Variants in ARHGAP35 observed in about 807,000 individuals in gnomAD.
The protein encoded by ARHGAP35 is rho GTPase-activating protein 35.
A neutral mutation model predicts 111.1 loss-of-function variants in ARHGAP35; 15 were observed. The ratio of observed to expected loss-of-function variants is 0.13; its 90% CI spans 0.09 to 0.21. The LOEUF (loss-of-function observed/expected upper bound fraction) is 0.21, where lower values mean the gene tolerates loss of function less well. Among genes scored for constraint, ARHGAP35 ranks in the 10% least tolerant of loss-of-function variants. The pLI is 1.00. For synonymous variants in ARHGAP35, 643 were observed against 710.3 expected, an observed-to-expected ratio of 0.91 and a Z score of 1.51; for missense variants, 1,262 against 1,873.0, an observed-to-expected ratio of 0.67 and a Z score of 6.02.
intron 5 of ARHGAP35, among the ~76,000 whole-genome samples, chr19:46,996,058 G>T (rs931101064): frequency 5.3e-4 from 81 of 152,308 alleles, no homozygotes; most frequent in African/African-American, 1.9e-3. Context: ...TTCGGCTGAG[G>T]TGCATATGCA....
intron 1 of ARHGAP35, among the ~76,000 whole-genome samples, chr19:46,898,293 A>G (rs1228013213): frequency 6.6e-6 from 1 of 152,124 alleles, no homozygotes; most frequent in Admixed American, 6.5e-5. Context: ...GTTCTGAGGA[A>G]ACATAAAGGA....
chr19:46,903,790 C>T (rs1302687967), intron 1 of ARHGAP35, among the ~76,000 whole-genome samples: 1 of 152,186 alleles, frequency 6.6e-6, no homozygotes, highest in Non-Finnish European at 1.5e-5. Flanking sequence ...AATCATGAAG[C>T]TAGCACTTTA....
rs753147667 is a variant in ARHGAP35, at chr19:47,000,031, C to T, written c.4143-300C>T. 6.6e-6 allele frequency among the ~76,000 whole-genome samples: 1 copy of T among 152,200 alleles called. No homozygotes were observed. The highest frequency in any genetic ancestry group is 2.4e-5 in the African/African-American group (1 of 41,454). On this transcript the variant is annotated intron_variant, in intron 6 of 6. Transcript: ENST00000672722. This position sits in a 1 kb window ranked among gnomAD's most constrained non-coding sequence, Gnocchi z 6.9. ...CCCTCCCTCGTCACAGCCGGAGCAC[C>T]GCCACTGCTTTGGCTGGCTGCAGAG...
At chr19:46,936,457 G>C (rs138072224) in intron 2 of ARHGAP35, among the ~76,000 whole-genome samples, 1 of 152,272 alleles carries the variant, frequency 6.6e-6, no homozygotes, top group East Asian at 1.9e-4. Context: ...CCAAGCTAAT[G>C]TATCAAAGGA....
rs117649098 is a variant in ARHGAP35 at position 46,918,643 on chromosome 19, A to G, written c.-33A>G. 8.2e-3 allele frequency: 13,015 copies of G among 1,591,838 alleles called. 88 individuals carry two copies. The highest frequency in any genetic ancestry group is 0.021 in the South Asian group (1,853 of 86,840). On this transcript the variant is annotated 5_prime_UTR_variant, in exon 2 of 7. Coordinates refer to ENST00000672722, the MANE Select transcript of ARHGAP35 (RefSeq NM_004491.5). The surrounding 1 kb of genome is among the most constrained non-coding windows in gnomAD (Gnocchi z 5.4). ...CCATTGGAAACACTAATCTGATCTC[A>G]GAAGTGGCTGATCGTGGCAGGATGT...
intron 2 of ARHGAP35, among the ~76,000 whole-genome samples, chr19:46,927,029 A>G (rs1225896607): frequency 6.6e-6 from 1 of 152,248 alleles, no homozygotes; most frequent in Non-Finnish European, 1.5e-5. Context: ...TGTGTGCTTC[A>G]GAAATAGTCC....
intron 3 of ARHGAP35, among the ~76,000 whole-genome samples, chr19:46,985,854 C>T (rs1265537763): frequency 6.7e-6 from 1 of 149,794 alleles, no homozygotes; most frequent in African/African-American, 2.5e-5. Flanking sequence ...GAATTGATGC[C>T]TCTTGCTCCA....
chr19:46,935,673 G>T (rs1295039456), intron 2 of ARHGAP35, among the ~76,000 whole-genome samples: 1 of 152,140 alleles, frequency 6.6e-6, no homozygotes, highest in Non-Finnish European at 1.5e-5. Flanking sequence ...TTCTAAATTG[G>T]TTTCATCAAC....
intron 3 of ARHGAP35, among the ~76,000 whole-genome samples, chr19:46,940,603 C>T (rs2056340896): frequency 6.8e-6 from 1 of 147,480 alleles, no homozygotes; most frequent in African/African-American, 2.6e-5. Flanking sequence ...CTTTGTTTTC[C>T]CTTTTTTTTT....
At chr19:46,954,904 G>A (rs1216482426) in intron 3 of ARHGAP35, among the ~76,000 whole-genome samples, 1 of 152,180 alleles carries the variant, frequency 6.6e-6, no homozygotes, top group African/African-American at 2.4e-5. Context: ...GTCAGGAGCC[G>A]TTTGGGCTTA....
At chr19:46,973,143 A>G (rs2056560328) in intron 3 of ARHGAP35, among the ~76,000 whole-genome samples, 2 of 151,224 alleles carry the variant, frequency 1.3e-5, no homozygotes, top group South Asian at 4.2e-4. Flanking sequence ...CAGGCAGATC[A>G]CCTGAGGTCA....
At chr19:46,886,139 C>G (rs781746771) in intron 1 of ARHGAP35, among the ~76,000 whole-genome samples, 1 of 152,122 alleles carries the variant, frequency 6.6e-6, no homozygotes, top group South Asian at 2.1e-4. Flanking sequence ...TCCTGGAGTG[C>G]TTGCCTTAAT....
In ARHGAP35 at chr19:47,000,073, T is replaced by C. The variant is rs1014129125; in HGVS notation, c.4143-258T>C. Among the ~76,000 whole-genome samples, 13 of 152,064 alleles carry C rather than the reference T, an allele frequency of 8.5e-5. No homozygotes were observed. Among genetic ancestry groups the C allele is most frequent in the African/African-American group, 3.1e-4 (13 of 41,404 alleles). On this transcript the variant is annotated intron_variant, in intron 6 of 6. Transcript: ENST00000672722. The surrounding 1 kb of genome is among the most constrained non-coding windows in gnomAD (Gnocchi z 6.9). ...GCTGCAGAGTGAGTCCCTGAGGTGG[T>C]CCATCCACCCCCAGGGGTTTGCGGG...
chr19:46,971,467 GT>G (rs1001315947), intron 3 of ARHGAP35, among the ~76,000 whole-genome samples: 14 of 151,542 alleles, frequency 9.2e-5, no homozygotes, highest in Admixed American at 6.6e-4. Context: ...GACTCCCTTG[GT>G]TTTTTGGGTT....
chr19:46,983,322 A>G (rs2056631193), intron 3 of ARHGAP35, among the ~76,000 whole-genome samples: 1 of 152,216 alleles, frequency 6.6e-6, no homozygotes, highest in African/African-American at 2.4e-5. Flanking sequence ...AGAATGGGAT[A>G]ATAATCACCA....
chr19:46,966,900 G>C (rs1374320498), intron 3 of ARHGAP35, among the ~76,000 whole-genome samples: 2 of 152,162 alleles, frequency 1.3e-5, no homozygotes, highest in Non-Finnish European at 2.9e-5. Context: ...AGAAGTCAGG[G>C]AGCTTGCTTG....
At chr19:46,952,128 C>A (rs2056416405) in intron 3 of ARHGAP35, among the ~76,000 whole-genome samples, 1 of 152,154 alleles carries the variant, frequency 6.6e-6, no homozygotes. Flanking sequence ...TCCTAATCAT[C>A]CTGATTTGAT....
intron 1 of ARHGAP35, among the ~76,000 whole-genome samples, chr19:46,912,172 T>C (rs957291103): frequency 4.0e-5 from 6 of 149,584 alleles, no homozygotes; most frequent in Admixed American, 3.4e-4. Context: ...GCCTCCCGAG[T>C]AGCTAGGATT....
intron 1 of ARHGAP35, among the ~76,000 whole-genome samples, chr19:46,881,702 T>G (rs1324366454): frequency 6.6e-6 from 1 of 152,172 alleles, no homozygotes; most frequent in Non-Finnish European, 1.5e-5. Flanking sequence ...AGCATTGGCT[T>G]CAATTTAAAA....
Sources: gnomAD v4.1 joint callset for allele counts (sites outside exome capture counted in the v4.1 genomes callset) on GRCh38, gnomAD v4.1.1 for gene constraint, Gnocchi (gnomAD v3.1) non-coding constraint, MANE v1.5 for transcripts, NCBI Gene and HGNC (gene_info 2026-07-23, HGNC 2026-07-21) for gene names.